Variants in FBXL5 observed in about 807,000 individuals in gnomAD.
FBXL5 encodes the protein F-box and leucine rich repeat protein 5.
A neutral mutation model predicts 78.3 loss-of-function variants in FBXL5; 26 were observed. That is an observed-to-expected ratio of 0.33 (90% CI 0.24 to 0.46). FBXL5 has a LOEUF of 0.46. Among genes scored for constraint, FBXL5 ranks in the 20% least tolerant of loss-of-function variants. The pLI, the probability that FBXL5 is intolerant of heterozygous loss-of-function variation, is 1.00. For missense variants in FBXL5, 710 were observed against 829.2 expected (o/e 0.86, Z 1.77); for synonymous variants, 295 against 282.5 (o/e 1.04, Z -0.45).
intron 1 of FBXL5, among the ~76,000 whole-genome samples, chr4:15,647,165 G>C (rs1396946443): frequency 7.3e-6 from 1 of 136,682 alleles, no homozygotes; most frequent in African/African-American, 2.7e-5. Context: ...AGAGGTTGCA[G>C]TGAGCCGAGA....
In FBXL5 at chr4:15,632,426, C is replaced by A. The variant is rs7689691; in HGVS notation, c.767-1635G>T. Among the ~76,000 whole-genome samples, 10 of 152,184 alleles carry A rather than the reference C, an allele frequency of 6.6e-5. No individual in the cohort carries two copies. The South Asian group carries it at 8.3e-4, about 13-fold the overall frequency. ...TTTTTCGGTTCCATGTGAACTTTAA[C>A]GTAGTTTTTTCCAATTCTGTGAAGA... On this transcript the variant is annotated intron_variant, in intron 5 of 10. Transcript: ENST00000341285.
chr4:15,627,131 CTTT>C (rs33920814), intron 7 of FBXL5, among the ~76,000 whole-genome samples, 176 bp from the exon 8 acceptor site: 4 of 87,822 alleles, frequency 4.6e-5, no homozygotes, highest in African/African-American at 4.6e-5. Flanking sequence ...CTGAGAATCT[CTTT>C]TTTTTTTTTT....
At chr4:15,642,474 G>A (rs1714984953) in intron 2 of FBXL5, among the ~76,000 whole-genome samples, 1 of 151,976 alleles carries the variant, frequency 6.6e-6, no homozygotes, top group African/African-American at 2.4e-5. Flanking sequence ...GACCTCAAGT[G>A]ATCTGCCCGC....
intron 2 of FBXL5, 23 bp from the exon 3 acceptor site, chr4:15,640,906 AT>A: frequency 7.8e-7 from 1 of 1,288,712 alleles, no homozygotes; most frequent in Non-Finnish European, 1.1e-6. Context: ...AAAAAAATAC[AT>A]TTTTATAAAA....
At chr4:15,656,581 A>C (rs1716968138), upstream of FBXL5, among the ~76,000 whole-genome samples, 1 of 152,230 alleles carries the variant, frequency 6.6e-6, no homozygotes, top group African/African-American at 2.4e-5. Flanking sequence ...ATTTAGTTCT[A>C]ATCTTATATT....
chr4:15,666,260 A>G (rs1409103400), intron 1 of FBXL5, among the ~76,000 whole-genome samples: 61 of 151,872 alleles, frequency 4.0e-4, no homozygotes, highest in Non-Finnish European at 1.5e-4. Context: ...TTAGCCAGGT[A>G]TGGTGGTGCA....
chr4:15,650,749 T>C (rs373067118), intron 1 of FBXL5, among the ~76,000 whole-genome samples: 1 of 146,586 alleles, frequency 6.8e-6, no homozygotes, highest in East Asian at 2.0e-4. Flanking sequence ...AATTCTGCCT[T>C]AGCCTCCTGA....
At chr4:15,646,489 T>A (rs552461145) in intron 1 of FBXL5, among the ~76,000 whole-genome samples, 1 of 149,774 alleles carries the variant, frequency 6.7e-6, no homozygotes, top group Non-Finnish European at 1.5e-5. Context: ...AACTTAAAAA[T>A]AGCCTTAGTA....
In FBXL5 at chr4:15,644,670, A is replaced by G. The variant is rs759039898; in HGVS notation, c.123T>C (p.Arg41=). The change falls in exon 2 of 11, where the codon CGT becomes CGC. Residue 41 remains arginine, a synonymous_variant. Coordinates refer to ENST00000341285, the MANE Select transcript of FBXL5 (RefSeq NM_012161.4). ...KTNFSNNNDF[R]ALLQSLYATF... is the part of the protein sequence containing the mutation. ...TAGCATACAAAGACTGCAGAAGAGC[A>G]CGGAAATCGTTGTTGTTGGAAAAAT... 1.8e-5 allele frequency: 29 copies of G among 1,611,392 alleles called. No homozygotes were observed. The highest frequency in any genetic ancestry group is 2.4e-5 in the Non-Finnish European group (28 of 1,178,716).
At chr4:15,666,910 T>TA (rs1717570553) in intron 1 of FBXL5, among the ~76,000 whole-genome samples, 1 of 152,176 alleles carries the variant, frequency 6.6e-6, no homozygotes, top group African/African-American at 2.4e-5. Context: ...CTAAATGTGT[T>TA]AATTAGCTTG....
upstream of FBXL5, chr4:15,656,277 A>G (rs765780814): frequency 6.6e-6 from 3 of 456,146 alleles, no homozygotes; most frequent in Non-Finnish European, 1.3e-5. Context: ...CCCTGGCCAC[A>G]GACCTCCTGG....
intron 9 of FBXL5, among the ~76,000 whole-genome samples, chr4:15,621,418 C>T (rs1712469507): frequency 1.3e-5 from 2 of 151,986 alleles, no homozygotes; most frequent in Non-Finnish European, 1.5e-5. Context: ...CTGAATTAAA[C>T]AAGAAATGGA....
At chr4:15,671,719 T>A (rs1361060555) in intron 1 of FBXL5, among the ~76,000 whole-genome samples, 1 of 152,216 alleles carries the variant, frequency 6.6e-6, no homozygotes, top group Non-Finnish European at 1.5e-5. Flanking sequence ...ACTAGGGTGC[T>A]TAAACTTATG....
chr4:15,658,886 A>AT (rs1717161036), upstream of FBXL5, among the ~76,000 whole-genome samples: 1 of 152,108 alleles, frequency 6.6e-6, no homozygotes, highest in African/African-American at 2.4e-5. Flanking sequence ...CAGAGACTTA[A>AT]TTTTTTCATA....
chr4:15,622,485 G>A (rs772618936), intron 9 of FBXL5, among the ~76,000 whole-genome samples: 3 of 152,114 alleles, frequency 2.0e-5, no homozygotes, highest in African/African-American at 4.8e-5. Context: ...CTCAAATGAT[G>A]CCTGTTTCTT....
At chr4:15,653,527 C>G (rs368372621) in intron 1 of FBXL5, among the ~76,000 whole-genome samples, 1 of 152,166 alleles carries the variant, frequency 6.6e-6, no homozygotes, top group Admixed American at 6.5e-5. Context: ...AATGGACACA[C>G]GCACAAAATT....
chr4:15,655,312 A>T lies in FBXL5; in HGVS notation c.-25T>A. 7.3e-7 allele frequency: 1 copy of T among 1,371,612 alleles called. No individual in the cohort carries two copies. The highest frequency in any genetic ancestry group is 9.7e-7 in the Non-Finnish European group (1 of 1,036,250). 85.0% of individuals were successfully genotyped at this position (1,371,612 alleles called of 1,614,324 possible). On this transcript the variant is annotated 5_prime_UTR_variant, in exon 1 of 11. Transcript: ENST00000341285. ...TCGCCACTGCCTCAGCCTCCGCCTC[A>T]GCAGCCGCGGCCGCCGCCTCTCCAT... is the stretch of plus-strand genomic sequence containing the variant.
At chr4:15,630,642 A>G in intron 6 of FBXL5, 24 bp downstream of exon 6, 3 of 1,523,314 alleles carry the variant, frequency 2.0e-6, no homozygotes, top group African/African-American at 1.6e-5. Context: ...ACTATGTAAT[A>G]ATTTTAATTC....
intron 1 of FBXL5, among the ~76,000 whole-genome samples, chr4:15,678,493 C>T (rs1199898777): frequency 6.6e-6 from 1 of 152,066 alleles, no homozygotes; most frequent in Non-Finnish European, 1.5e-5. Flanking sequence ...TTCATGCAAA[C>T]GAAGAAAAGC....
Sources: allele counts gnomAD v4.1 joint callset (sites outside exome capture counted in the v4.1 genomes callset), GRCh38; gene constraint gnomAD v4.1.1; transcripts MANE v1.5; gene names NCBI Gene and HGNC (gene_info 2026-07-23, HGNC 2026-07-21).